PHF24: variants seen among roughly 807,000 people sequenced by gnomAD.
The protein encoded by PHF24 is PHD finger protein 24.
Under a neutral mutation model 42.6 loss-of-function variants are expected in PHF24, and 25 were observed. The ratio of observed to expected loss-of-function variants is 0.59; its 90% CI spans 0.43 to 0.82. The LOEUF (loss-of-function observed/expected upper bound fraction) is 0.82, where lower values mean the gene tolerates loss of function less well. Among genes scored for constraint, PHF24 ranks in the 40% least tolerant of loss-of-function variants. The pLI is 0.00. For synonymous variants in PHF24, 185 were observed against 204.8 expected (o/e 0.90, Z 0.83); for missense variants, 470 against 538.1 (o/e 0.87, Z 1.25).
the PHF24 span, among the ~76,000 whole-genome samples, chr9:34,915,568 AAAG>A: frequency 1.1e-4 from 17 of 152,286 alleles, no homozygotes; most frequent in South Asian, 2.7e-3. Flanking sequence ...TTCACAAAGT[AAAG>A]AAGATCAGAG....
the PHF24 span, among the ~76,000 whole-genome samples, chr9:34,816,699 A>G: frequency 6.6e-6 from 1 of 152,214 alleles, no homozygotes; most frequent in East Asian, 1.9e-4. Context: ...TAACACCATC[A>G]CATTGGTTAT....
At chr9:34,810,148 C>G in the PHF24 span, among the ~76,000 whole-genome samples, 4 of 151,990 alleles carry the variant, frequency 2.6e-5, no homozygotes, top group African/African-American at 7.2e-5. Context: ...CCGCCGGCCC[C>G]GGACGGCCCC....
the PHF24 span, among the ~76,000 whole-genome samples, chr9:34,820,044 T>C: frequency 1.3e-5 from 2 of 151,914 alleles, no homozygotes; most frequent in South Asian, 2.1e-4. Flanking sequence ...GAAATGATCG[T>C]TAATCTGGTA....
the PHF24 span, among the ~76,000 whole-genome samples, chr9:34,877,652 A>T: frequency 1.3e-5 from 2 of 152,168 alleles, no homozygotes; most frequent in African/African-American, 2.4e-5. Context: ...TATTTTTACC[A>T]TAATTTTTTT....
the PHF24 span, chr9:34,689,777 A>G: frequency 1.2e-6 from 2 of 1,613,236 alleles, no homozygotes; most frequent in East Asian, 2.2e-5. This position sits in a 1 kb window ranked among gnomAD's most constrained non-coding sequence, Gnocchi z 4.1. Context: ...ATAATTCACA[A>G]TGCTTGACTC....
At chr9:34,783,483 C>G in the PHF24 span, among the ~76,000 whole-genome samples, 1 of 152,170 alleles carries the variant, frequency 6.6e-6, no homozygotes, top group Non-Finnish European at 1.5e-5. Context: ...AATATTCTAT[C>G]ATAGCCCTTA....
At chr9:34,707,171 G>T in the PHF24 span, among the ~76,000 whole-genome samples, 1 of 152,112 alleles carries the variant, frequency 6.6e-6, no homozygotes, top group Non-Finnish European at 1.5e-5. Context: ...TGGCTTCGGG[G>T]GTATCTGGGG....
At chr9:34,954,704 C>T (rs1826331114), upstream of PHF24, among the ~76,000 whole-genome samples, 2 of 151,520 alleles carry the variant, frequency 1.3e-5, no homozygotes, top group Non-Finnish European at 2.9e-5. Context: ...AGAGCATACA[C>T]ACTCTCATTC....
the PHF24 span, among the ~76,000 whole-genome samples, chr9:34,872,096 A>G: frequency 2.0e-5 from 3 of 152,016 alleles, no homozygotes; most frequent in East Asian, 3.8e-4. Flanking sequence ...TGTTTTCCTC[A>G]TAAAGATCTG....
At chr9:34,901,234 C>G in the PHF24 span, among the ~76,000 whole-genome samples, 11 of 152,280 alleles carry the variant, frequency 7.2e-5, no homozygotes, top group East Asian at 2.1e-3. Context: ...GAATACTTCT[C>G]AATTCATTGT....
At chr9:34,775,423 G>A in the PHF24 span, among the ~76,000 whole-genome samples, 2 of 152,324 alleles carry the variant, frequency 1.3e-5, no homozygotes, top group East Asian at 1.9e-4. Flanking sequence ...TGTGTACAGC[G>A]TTCCAGTTGG....
chr9:34,832,319 G>A, the PHF24 span: 2 of 634,612 alleles, frequency 3.2e-6, no homozygotes, highest in African/African-American at 1.8e-5. Flanking sequence ...CTGGTTGGGG[G>A]GCACAAGCCA....
chr9:34,824,164 GC>G, the PHF24 span, among the ~76,000 whole-genome samples: 1 of 152,170 alleles, frequency 6.6e-6, no homozygotes, highest in Non-Finnish European at 1.5e-5. Context: ...CAGCTCAAGG[GC>G]TGGGCTAGTT....
chr9:34,886,679 TA>T, the PHF24 span, among the ~76,000 whole-genome samples: 1 of 152,150 alleles, frequency 6.6e-6, no homozygotes, highest in East Asian at 1.9e-4. Context: ...GACCAGTCCT[TA>T]GATCTCTTTC....
At chr9:34,916,003 G>A in the PHF24 span, among the ~76,000 whole-genome samples, 3 of 152,032 alleles carry the variant, frequency 2.0e-5, no homozygotes, top group Non-Finnish European at 4.4e-5. Context: ...AGGGGCTTCT[G>A]CCTTCGTTCG....
the PHF24 span, chr9:34,723,390 C>T: frequency 1.3e-6 from 2 of 1,551,710 alleles, no homozygotes; most frequent in Non-Finnish European, 1.7e-6. Context: ...GCTGGGCCCA[C>T]CAGCTTCTGA....
the PHF24 span, among the ~76,000 whole-genome samples, chr9:34,757,951 G>T: frequency 2.6e-5 from 4 of 152,246 alleles, no homozygotes; most frequent in Middle Eastern, 3.4e-3. Context: ...TACCTGGCAG[G>T]GGTGGTCCAT....
chr9:34,953,917 C>G (rs574758041), upstream of PHF24, among the ~76,000 whole-genome samples: 2 of 152,228 alleles, frequency 1.3e-5, no homozygotes, highest in African/African-American at 4.8e-5. The surrounding 1 kb of genome is among the most constrained non-coding windows in gnomAD (Gnocchi z 4.1). Flanking sequence ...GCCTGGACAA[C>G]AGAGCAAGAC....
chr9:34,825,790 A>T, the PHF24 span, among the ~76,000 whole-genome samples: 1 of 152,096 alleles, frequency 6.6e-6, no homozygotes, highest in African/African-American at 2.4e-5. Flanking sequence ...GCAAAACCAT[A>T]TGTGTGTAAT....
Sources: gnomAD v4.1 joint callset for allele counts (sites outside exome capture counted in the v4.1 genomes callset) on GRCh38, gnomAD v4.1.1 for gene constraint, Gnocchi (gnomAD v3.1) non-coding constraint, MANE v1.5 for transcripts, NCBI Gene and HGNC (gene_info 2026-07-23, HGNC 2026-07-21) for gene names.